The following NAB1 variants were observed in gnomAD, a reference collection of about 807,000 sequenced individuals.
NAB1 encodes the protein NGFI-A-binding protein 1.
NAB1 carries 25 observed loss-of-function variants against 49.9 expected under a neutral mutation model. The observed-to-expected ratio is 0.50, with a 90% CI of 0.37 to 0.70. The LOEUF is 0.70. NAB1 is among the 30% of genes least tolerant of loss of function. The probability of loss-of-function intolerance (pLI) is 0.00; values close to 1 mark genes in which losing one functional copy is unlikely to be tolerated. For synonymous variants in NAB1, 198 were observed against 215.6 expected (o/e 0.92, Z 0.71); for missense variants, 489 against 575.9 (o/e 0.85, Z 1.54).
In NAB1 at chr2:190,686,790, G is replaced by GT. The variant is rs749660109; in HGVS notation, c.1259-399dup. ...CTGTTTTTTCACGGATTTTGCTGTA[G>GT]TTTTTTTTTTTTAATCTTTAATTGG... On this transcript the variant is annotated intron_variant, in intron 8 of 9. Transcript: ENST00000337386. The surrounding 1 kb of genome is among the most constrained non-coding windows in gnomAD (Gnocchi z 5.5). Among the ~76,000 whole-genome samples the GT allele has an allele frequency of 0.01, 1,506 of 144,660 alleles. 16 individuals carry two copies. The highest frequency in any genetic ancestry group is 0.029 in the African/African-American group (1,173 of 39,808). 94.9% of individuals were successfully genotyped at this position (144,660 alleles called of 152,430 possible).
rs1451224065 is a variant in NAB1 at position 190,675,743 on chromosome 2, C to G, written c.1005+2591C>G. On this transcript the variant is annotated intron_variant, in intron 6 of 9. Transcript: ENST00000337386. The surrounding 1 kb of genome is among the most constrained non-coding windows in gnomAD (Gnocchi z 5.2). Reference sequence around the variant, plus strand: ...TCCCAGAAATAAGTAGTAACTACACCTTTGAATTTAGGACAGTGGCTCACT... The same window carrying G: ...TCCCAGAAATAAGTAGTAACTACACGTTTGAATTTAGGACAGTGGCTCACT... Among the ~76,000 whole-genome samples the G allele has an allele frequency of 2.6e-5, 4 of 152,110 alleles. No homozygotes were observed. The highest frequency in any genetic ancestry group is 9.7e-5 in the African/African-American group (4 of 41,420).
rs1484214235 is a variant in NAB1, at chr2:190,679,130, A to G, written c.1006-4608A>G. ...GACATGGAGATAGATTGCTCATAGT[A>G]TGGTGCAGCTAGCTGGTGCCTGGGA... On this transcript the variant is annotated intron_variant, in intron 6 of 9. Transcript: ENST00000337386. The surrounding 1 kb of genome is among the most constrained non-coding windows in gnomAD (Gnocchi z 5.3). Among the ~76,000 whole-genome samples the G allele has an allele frequency of 1.3e-5, 2 of 152,240 alleles. No homozygotes were observed. Among genetic ancestry groups the G allele is most frequent in the Admixed American group, 6.5e-5 (1 of 15,280 alleles).
rs1041668195 is a variant in NAB1, at chr2:190,652,468, A to G, written c.-197+2486A>G. ...ATGAATAAATACATAGTTATCATTT[A>G]GCAAAATCTGGTTTAGTTTTTTCTA... On this transcript the variant is annotated intron_variant, in intron 2 of 9. Coordinates refer to ENST00000337386, the MANE Select transcript of NAB1 (RefSeq NM_005966.4). The surrounding 1 kb of genome is among the most constrained non-coding windows in gnomAD (Gnocchi z 4.2). Among the ~76,000 whole-genome samples, 25 of 152,224 alleles carry G rather than the reference A, an allele frequency of 1.6e-4. No homozygotes were observed. Among genetic ancestry groups the G allele is most frequent in the Admixed American group, 1.4e-3 (21 of 15,276 alleles).
At position 190,659,868 on chromosome 2, in the gene NAB1, T is replaced by G; in HGVS notation, c.692T>G (p.Met231Arg). 2 of 1,614,102 alleles carry G rather than the reference T, an allele frequency of 1.2e-6. No individual in the cohort carries two copies. Among genetic ancestry groups the G allele is most frequent in the Non-Finnish European group, 1.7e-6 (2 of 1,180,026 alleles). The change falls in exon 4 of 10, where the codon ATG (methionine) becomes AGG (arginine). Residue 231 changes from methionine to arginine, a missense_variant. Transcript: ENST00000337386. This position sits in a 1 kb window ranked among gnomAD's most constrained non-coding sequence, Gnocchi z 6.2. ...AAAACCAACAAGAAGTTGGCCAAAA[T>G]GATTGGTCACATCTTTGAGATGAAC... is the stretch of plus-strand genomic sequence containing the variant. The part of the protein sequence containing the change: ...LLKTNKKLAK[M>R]IGHIFEMNDD...
rs777627021 is a variant in NAB1 at position 190,670,477 on chromosome 2, C to T, written c.953+18C>T. The T allele has an allele frequency of 1.9e-6, 3 of 1,610,938 alleles. No homozygotes were observed. The highest frequency in any genetic ancestry group is 1.3e-5 in the African/African-American group (1 of 74,734). ...ACCACCAAGTAAGTATTTAACTAAT[C>T]GTCATTATTTTTGCATTGCTTGAGA... is the stretch of plus-strand genomic sequence containing the variant. On this transcript the variant is annotated intron_variant, in intron 5 of 9. Transcript: ENST00000337386. This position sits in a 1 kb window ranked among gnomAD's most constrained non-coding sequence, Gnocchi z 5.3.
intron 7 of NAB1, 94 bp downstream of exon 7, chr2:190,683,921 G>A (rs1053441018): frequency 2.1e-6 from 2 of 962,376 alleles, no homozygotes; most frequent in Admixed American, 2.5e-5. Flanking sequence ...AGTATCTGAG[G>A]CCTGACTTTT....
In NAB1 at chr2:190,659,781, G is replaced by C. The variant is rs751415504; in HGVS notation, c.605G>C (p.Cys202Ser). Residue 202 changes from cysteine (C) to serine (S), a missense_variant, in exon 4 of 10, where the codon TGT becomes TCT. Around this residue, in one of 4 missense-constraint regions of NAB1, gnomAD observed 204 missense variants for 220.9 expected, o/e 0.92. Coordinates refer to ENST00000337386, the MANE Select transcript of NAB1 (RefSeq NM_005966.4). This position sits in a 1 kb window ranked among gnomAD's most constrained non-coding sequence, Gnocchi z 6.2. ...DAAAALSVAECVERMAPTLPK... is the reference protein window; with the variant it reads ...DAAAALSVAESVERMAPTLPK... ...GCTGCTGCGCTCTCTGTGGCTGAGT[G>C]TGTGGAGCGGATGGCCCCCACACTG... is the stretch of plus-strand genomic sequence containing the variant. 1.9e-6 allele frequency: 3 copies of C among 1,614,158 alleles called. No individual in the cohort carries two copies. Among genetic ancestry groups the C allele is most frequent in the Non-Finnish European group, 2.5e-6 (3 of 1,180,022 alleles).
chr2:190,688,538 A>G (rs921597500), intron 9 of NAB1, among the ~76,000 whole-genome samples: 3 of 152,200 alleles, frequency 2.0e-5, no homozygotes, highest in Non-Finnish European at 4.4e-5. Context: ...AAAAAAAGTG[A>G]TCTTTAAAGT....
chr2:190,689,143 T>C lies in NAB1; in HGVS notation c.1376-1102T>C, dbSNP rs1474376892. Among the ~76,000 whole-genome samples the C allele has an allele frequency of 1.3e-5, 2 of 152,168 alleles. No individual in the cohort carries two copies. The highest frequency in any genetic ancestry group is 2.1e-4 in the South Asian group (1 of 4,828). ...GCCCGGCCACCTTATTCTTTATTTT[T>C]AACTGAATAGGAATAATACAGGTTT... On this transcript the variant is annotated intron_variant, in intron 9 of 9. Coordinates refer to ENST00000337386, the MANE Select transcript of NAB1 (RefSeq NM_005966.4). This position sits in a 1 kb window ranked among gnomAD's most constrained non-coding sequence, Gnocchi z 4.3.
At chr2:190,683,614 C>T (rs756135415) in intron 6 of NAB1, 124 bp from the exon 7 acceptor site, 57 of 625,074 alleles carry the variant, frequency 9.1e-5, no homozygotes, top group Non-Finnish European at 1.5e-4. Context: ...ATTTTATAAC[C>T]ATTAAAATCT....
chr2:190,669,136 C>T lies in NAB1; in HGVS notation c.820-1190C>T, dbSNP rs11895262. 0.22 allele frequency among the ~76,000 whole-genome samples: 33,621 copies of T among 152,042 alleles called. 3,823 individuals are homozygous for T. Among genetic ancestry groups the T allele is most frequent in the Non-Finnish European group, 0.25 (17,132 of 67,984 alleles). On this transcript the variant is annotated intron_variant, in intron 4 of 9. Coordinates refer to ENST00000337386, the MANE Select transcript of NAB1 (RefSeq NM_005966.4). This position sits in a 1 kb window ranked among gnomAD's most constrained non-coding sequence, Gnocchi z 4.3. ...GTATAGACAGTGTAGATACACTGGA[C>T]AAAGGGATGATTCATCACTTGGATG...
rs1694002615 is a variant in NAB1, at chr2:190,657,742, G to T, written c.-19-1416G>T. 6.6e-6 allele frequency among the ~76,000 whole-genome samples: 1 copy of T among 152,182 alleles called. No homozygotes were observed. The highest frequency in any genetic ancestry group is 1.5e-5 in the Non-Finnish European group (1 of 68,024). ...GACACCCATTCTCCTGGCTTGGAGT[G>T]ACTGAGACTAGAATTTTGTGTAGCA... On this transcript the variant is annotated intron_variant, in intron 3 of 9. Coordinates refer to ENST00000337386, the MANE Select transcript of NAB1 (RefSeq NM_005966.4). This position sits in a 1 kb window ranked among gnomAD's most constrained non-coding sequence, Gnocchi z 4.4.
chr2:190,690,189 A>AT (rs2125908972), intron 9 of NAB1, 56 bp from the exon 10 acceptor site: 1 of 1,229,970 alleles, frequency 8.1e-7, no homozygotes, highest in African/African-American at 1.5e-5. Flanking sequence ...ACTTTGTTTG[A>AT]TTTTTGTAGT....
In NAB1 at chr2:190,685,427, A is replaced by T; in HGVS notation, c.1096-49A>T. 6.6e-7 allele frequency: 1 copy of T among 1,512,006 alleles called. No individual in the cohort carries two copies. Among genetic ancestry groups the T allele is most frequent in the Non-Finnish European group, 8.9e-7 (1 of 1,126,020 alleles). The allele number at this position is 1,512,006 out of a possible 1,614,324, so 93.7% of individuals were successfully genotyped here. On this transcript the variant is annotated intron_variant, in intron 7 of 9. Transcript: ENST00000337386. The surrounding 1 kb of genome is among the most constrained non-coding windows in gnomAD (Gnocchi z 4.5). ...AAATTGGCATCTTTAAACCATTAAA[A>T]AATCTAGAATGTTTCAGTTACTGAT...
chr2:190,679,047 A>C lies in NAB1; in HGVS notation c.1006-4691A>C, dbSNP rs1206805345. ...CATAGCTTTTATTTTCTCAGTGATCAGACCCAGAGTCTCGTCAGCAAGGAA... is the reference window on the plus strand; with the variant it reads ...CATAGCTTTTATTTTCTCAGTGATCCGACCCAGAGTCTCGTCAGCAAGGAA... On this transcript the variant is annotated intron_variant, in intron 6 of 9. Transcript: ENST00000337386. The surrounding 1 kb of genome is among the most constrained non-coding windows in gnomAD (Gnocchi z 5.3). Among the ~76,000 whole-genome samples, 1 of 152,226 alleles carries C rather than the reference A, an allele frequency of 6.6e-6. No individual in the cohort carries two copies. Among genetic ancestry groups the C allele is most frequent in the Non-Finnish European group, 1.5e-5 (1 of 68,030 alleles).
chr2:190,649,672 A>T lies in NAB1; in HGVS notation c.-333-174A>T, dbSNP rs1574404941. ...TTTTGCTAACGGGGCTGGGGGCGTC[A>T]CACGGCGCTCTGGGGGTGTGCGATG... On this transcript the variant is annotated intron_variant, in intron 1 of 9. Coordinates refer to ENST00000337386, the MANE Select transcript of NAB1 (RefSeq NM_005966.4). This position sits in a 1 kb window ranked among gnomAD's most constrained non-coding sequence, Gnocchi z 6.1. 1 of 151,708 alleles carries T rather than the reference A, an allele frequency of 6.6e-6. No homozygotes were observed. Among genetic ancestry groups the T allele is most frequent in the Admixed American group, 6.6e-5 (1 of 15,234 alleles). The allele number at this position is 151,708 out of a possible 1,614,324, so 9.4% of individuals were successfully genotyped here. A position where few individuals can be genotyped will look rare whatever the true frequency, so the allele number is the denominator to read the frequency against.
intron 2 of NAB1, 124 bp from the exon 3 acceptor site, chr2:190,655,853 T>A (rs1223485626): frequency 6.6e-6 from 1 of 152,198 alleles, no homozygotes; most frequent in Non-Finnish European, 1.5e-5. Context: ...AAGTGAATTT[T>A]AAAAAAAGTT....
At chr2:190,673,482 G>A (rs1694922748) in intron 6 of NAB1, among the ~76,000 whole-genome samples, 1 of 152,140 alleles carries the variant, frequency 6.6e-6, no homozygotes, top group African/African-American at 2.4e-5. Context: ...GATTACAGGT[G>A]TGAACCACCA....
At chr2:190,664,614 T>TTTTTTTTTTTTTTTTTTTTTG (rs1553548974) in intron 4 of NAB1, among the ~76,000 whole-genome samples, 1 of 111,814 alleles carries the variant, frequency 8.9e-6, no homozygotes, top group African/African-American at 3.8e-5. Context: ...TTTTTTTTTT[T>TTTTTTTTTTTTTTTTTTTTTG]GTAGGGACAG....
Sources: gnomAD v4.1 joint callset for allele counts (sites outside exome capture counted in the v4.1 genomes callset) on GRCh38, gnomAD v4.1.1 for gene constraint, gnomAD v4.1.1 regional missense constraint, Gnocchi (gnomAD v3.1) non-coding constraint, MANE v1.5 for transcripts, NCBI Gene and HGNC (gene_info 2026-07-23, HGNC 2026-07-21) for gene names.